VGLL4: variants seen among roughly 807,000 people sequenced by gnomAD.
The protein encoded by VGLL4 is transcription cofactor vestigial-like protein 4.
VGLL4 carries 7 observed loss-of-function variants against 21.0 expected under a neutral mutation model. That is an observed-to-expected ratio of 0.33 (90% CI 0.19 to 0.63). The LOEUF (loss-of-function observed/expected upper bound fraction) is 0.63, where lower values mean the gene tolerates loss of function less well. Ranked by LOEUF, VGLL4 falls within the 20% of genes least tolerant of loss-of-function variation. The probability of loss-of-function intolerance (pLI) is 0.78; values close to 1 mark genes in which losing one functional copy is unlikely to be tolerated. For missense variants in VGLL4, 394 were observed against 425.7 expected (o/e 0.93, Z 0.66); for synonymous variants, 222 against 173.2 (o/e 1.28, Z -2.21).
intron 2 of VGLL4, among the ~76,000 whole-genome samples, chr3:11,580,815 T>C (rs2074202171): frequency 6.6e-6 from 1 of 152,204 alleles, no homozygotes; most frequent in African/African-American, 2.4e-5. Flanking sequence ...TCCAGCAAAC[T>C]TGGGCACACA....
chr3:11,697,509 G>A (rs1052688572), intron 2 of VGLL4, among the ~76,000 whole-genome samples: 2 of 152,166 alleles, frequency 1.3e-5, no homozygotes, highest in Admixed American at 6.5e-5. Context: ...GATCAGGAGT[G>A]GGCCCAGCTG....
intron 3 of VGLL4, among the ~76,000 whole-genome samples, chr3:11,564,565 G>C (rs924373377): frequency 4.0e-5 from 6 of 151,456 alleles, no homozygotes; most frequent in African/African-American, 1.5e-4. Flanking sequence ...GTGCTAAGAG[G>C]CAAGGCCCGG....
chr3:11,670,193 C>A (rs775294221), intron 2 of VGLL4, among the ~76,000 whole-genome samples: 1 of 151,624 alleles, frequency 6.6e-6, no homozygotes, highest in South Asian at 2.1e-4. Context: ...CCTTTTTCTA[C>A]GCCCCTCCCA....
chr3:11,578,670 G>T (rs2074129462), intron 2 of VGLL4, among the ~76,000 whole-genome samples: 1 of 147,754 alleles, frequency 6.8e-6, no homozygotes, highest in South Asian at 2.1e-4. Flanking sequence ...TACACCCATT[G>T]AAAATTTGAG....
intron 1 of VGLL4, among the ~76,000 whole-genome samples, chr3:11,606,505 G>A (rs6793575): frequency 0.94 from 142,624 of 152,304 alleles, 66,911 homozygotes; most frequent in African/African-American, 0.95. Context: ...TGAGAGGTGA[G>A]GCCAGCTGGA....
At chr3:11,703,774 C>T (rs1490226317) in intron 1 of VGLL4, among the ~76,000 whole-genome samples, 1 of 152,226 alleles carries the variant, frequency 6.6e-6, no homozygotes, top group Non-Finnish European at 1.5e-5. Flanking sequence ...TACTGGCACA[C>T]ACACCCTACT....
Position 11,557,867 on chromosome 3 carries a change from CTA to C in VGLL4, c.*687_*688del. On this transcript the variant is annotated 3_prime_UTR_variant, in exon 5 of 5. Transcript: ENST00000430365. ...CAGTCCAGTTGCAAGCACCTGAAAT[CTA>C]GAGAGAGAAAGACCTATAACCTGTA... 1 of 152,090 alleles carries C rather than the reference CTA, an allele frequency of 6.6e-6. No individual in the cohort carries two copies. The highest frequency in any genetic ancestry group is 1.5e-5 in the Non-Finnish European group (1 of 68,138). The allele number at this position is 152,090 out of a possible 1,614,324, so 9.4% of individuals were successfully genotyped here. A position where few individuals can be genotyped will look rare whatever the true frequency, so the allele number is the denominator to read the frequency against.
chr3:11,708,904 A>C (rs1256059990), intron 1 of VGLL4, among the ~76,000 whole-genome samples: 2 of 151,996 alleles, frequency 1.3e-5, no homozygotes, highest in African/African-American at 4.8e-5. Context: ...TCTACTAAAA[A>C]CACAAAAACT....
chr3:11,669,484 G>A (rs901460473), intron 2 of VGLL4, among the ~76,000 whole-genome samples: 1 of 152,108 alleles, frequency 6.6e-6, no homozygotes, highest in Non-Finnish European at 1.5e-5. Context: ...TTACAATTTT[G>A]GCAATGGTCT....
At chr3:11,718,333 T>C (rs563196268) in intron 1 of VGLL4, among the ~76,000 whole-genome samples, 2 of 152,318 alleles carry the variant, frequency 1.3e-5, no homozygotes, top group South Asian at 2.1e-4. Flanking sequence ...TATTTCTAAA[T>C]CCTTTATTTA....
intron 2 of VGLL4, among the ~76,000 whole-genome samples, chr3:11,655,118 C>T (rs971409975): frequency 6.6e-6 from 1 of 152,222 alleles, no homozygotes; most frequent in Non-Finnish European, 1.5e-5. Context: ...ACATTACAAT[C>T]ACCCAGGAGG....
At chr3:11,689,213 T>C (rs896899384) in intron 2 of VGLL4, among the ~76,000 whole-genome samples, 1 of 152,176 alleles carries the variant, frequency 6.6e-6, no homozygotes, top group Non-Finnish European at 1.5e-5. Context: ...ACTTCCCATT[T>C]TTCTAATAAA....
At chr3:11,606,204 C>G (rs1244438458) in intron 1 of VGLL4, among the ~76,000 whole-genome samples, 1 of 152,178 alleles carries the variant, frequency 6.6e-6, no homozygotes, top group African/African-American at 2.4e-5. Context: ...ACCACGGGTA[C>G]AGTATGGGGG....
chr3:11,673,970 C>T (rs566406207), intron 2 of VGLL4, among the ~76,000 whole-genome samples: 1 of 146,094 alleles, frequency 6.8e-6, no homozygotes, highest in South Asian at 2.2e-4. Flanking sequence ...TGAGATCGCG[C>T]CACTGCACTC....
At chr3:11,700,510 C>A (rs192587891) in intron 2 of VGLL4, among the ~76,000 whole-genome samples, 93 of 152,288 alleles carry the variant, frequency 6.1e-4, no homozygotes, top group African/African-American at 2.2e-3. Flanking sequence ...GCCCTGGCAC[C>A]AGCCCGCCCC....
intron 2 of VGLL4, among the ~76,000 whole-genome samples, chr3:11,587,493 C>T (rs2074388238): frequency 6.6e-6 from 1 of 152,220 alleles, no homozygotes; most frequent in Non-Finnish European, 1.5e-5. Flanking sequence ...GTGATACAAG[C>T]ACAAATCTGT....
intron 2 of VGLL4, among the ~76,000 whole-genome samples, chr3:11,601,013 T>C (rs1394643268): frequency 6.6e-6 from 1 of 152,058 alleles, no homozygotes; most frequent in Non-Finnish European, 1.5e-5. Flanking sequence ...GTGGGGCGTC[T>C]CCAAGTCCTG....
At chr3:11,585,776 C>T (rs2074348408) in intron 2 of VGLL4, among the ~76,000 whole-genome samples, 1 of 152,232 alleles carries the variant, frequency 6.6e-6, no homozygotes, top group Non-Finnish European at 1.5e-5. Flanking sequence ...TCCAAATCTT[C>T]TGCCTCCTCC....
rs58100629 is a variant in VGLL4, at chr3:11,709,435, TA to T, written c.-13-6389del. 4.4e-3 allele frequency among the ~76,000 whole-genome samples: 480 copies of T among 108,796 alleles called. 3 individuals are homozygous for T. The highest frequency in any genetic ancestry group is 0.012 in the African/African-American group (361 of 29,860). The allele number at this position is 108,796 out of a possible 152,430, so 71.4% of individuals were successfully genotyped here. ...CCAGGGAACAGTGCAAGACTCCGTC[TA>T]AAAAAAAAAAAAAAAAAAAAAAAAC... is the stretch of plus-strand genomic sequence containing the variant. On this transcript the variant is annotated intron_variant, in intron 1 of 5. Coordinates refer to the VGLL4 transcript ENST00000273038.
Sources: gnomAD v4.1 joint callset for allele counts (sites outside exome capture counted in the v4.1 genomes callset) on GRCh38, gnomAD v4.1.1 for gene constraint, MANE v1.5 for transcripts, NCBI Gene and HGNC (gene_info 2026-07-23, HGNC 2026-07-21) for gene names.